CHRM3: variants seen among roughly 807,000 people sequenced by gnomAD.
The protein encoded by CHRM3 is muscarinic acetylcholine receptor M3.
In CHRM3, 11 loss-of-function variants were observed where a neutral mutation model predicts 41.8. That is an observed-to-expected ratio of 0.26 (90% confidence interval 0.17 to 0.44). The LOEUF (loss-of-function observed/expected upper bound fraction) is 0.44. CHRM3 is among the 20% of genes least tolerant of loss of function. CHRM3 has a pLI of 1.00. For synonymous variants in CHRM3, 297 were observed against 301.4 expected (o/e 0.99, Z 0.15); for missense variants, 571 against 745.4 (o/e 0.77, Z 2.72).
chr1:239,641,574 G>A (rs377591929), intron 4 of CHRM3, among the ~76,000 whole-genome samples: 76 of 144,574 alleles, frequency 5.3e-4, no homozygotes, highest in African/African-American at 1.7e-3. Flanking sequence ...TTTATCAGAG[G>A]CTAGGATTGC....
chr1:239,604,715 T>G (rs1202992889), intron 3 of CHRM3, among the ~76,000 whole-genome samples: 1 of 152,212 alleles, frequency 6.6e-6, no homozygotes, highest in Non-Finnish European at 1.5e-5. Context: ...CATTCCAACC[T>G]GAGAACTTTT....
chr1:239,744,046 G>T (rs1013500817), intron 5 of CHRM3, among the ~76,000 whole-genome samples: 7 of 149,846 alleles, frequency 4.7e-5, no homozygotes, highest in African/African-American at 1.7e-4. Context: ...TTGGTCTCAA[G>T]AAATCCTTCC....
At chr1:239,512,624 C>A (rs1441233579) in intron 2 of CHRM3, among the ~76,000 whole-genome samples, 1 of 152,052 alleles carries the variant, frequency 6.6e-6, no homozygotes, top group Non-Finnish European at 1.5e-5. Flanking sequence ...TCCCACCCTT[C>A]TTTTTCTTCC....
intron 4 of CHRM3, among the ~76,000 whole-genome samples, chr1:239,669,251 C>A (rs1318175382): frequency 1.3e-5 from 2 of 152,126 alleles, no homozygotes; most frequent in Admixed American, 1.3e-4. Context: ...AATATTCTTT[C>A]CCTTTTAAAC....
At chr1:239,890,194 G>A (rs139959227) in intron 6 of CHRM3, among the ~76,000 whole-genome samples, 5,085 of 152,000 alleles carry the variant, frequency 0.033, 278 homozygotes, top group African/African-American at 0.12. Flanking sequence ...TCAGCTACTC[G>A]GGAGGCTGAG....
chr1:239,724,788 T>C (rs1663283231), intron 5 of CHRM3, among the ~76,000 whole-genome samples: 1 of 151,840 alleles, frequency 6.6e-6, no homozygotes, highest in Non-Finnish European at 1.5e-5. Flanking sequence ...AGCTAGAAAT[T>C]CTAATTGCCA....
chr1:239,510,116 TA>T (rs2148192565), intron 2 of CHRM3, among the ~76,000 whole-genome samples: 1 of 152,266 alleles, frequency 6.6e-6, no homozygotes, highest in Non-Finnish European at 1.5e-5. Context: ...TTTTGAGAAG[TA>T]AAAGCTATTT....
intron 2 of CHRM3, among the ~76,000 whole-genome samples, chr1:239,532,271 A>G (rs976094708): frequency 1.4e-5 from 2 of 146,194 alleles, no homozygotes; most frequent in African/African-American, 5.0e-5. Flanking sequence ...TCGGCCTCCC[A>G]AAGTGCTGGG....
At chr1:239,580,141 C>G (rs1375061345) in intron 3 of CHRM3, among the ~76,000 whole-genome samples, 1 of 151,894 alleles carries the variant, frequency 6.6e-6, no homozygotes, top group Admixed American at 6.6e-5. Flanking sequence ...ACTTACCTAC[C>G]CTTCTTCTAT....
At chr1:239,459,097 C>T (rs570460832) in intron 1 of CHRM3, among the ~76,000 whole-genome samples, 1 of 152,206 alleles carries the variant, frequency 6.6e-6, no homozygotes, top group South Asian at 2.1e-4. Flanking sequence ...TTTCCTGTGA[C>T]ACAGGAAGAG....
chr1:239,823,766 CT>C (rs1672235951), intron 5 of CHRM3, among the ~76,000 whole-genome samples: 1 of 151,878 alleles, frequency 6.6e-6, no homozygotes, highest in Admixed American at 6.6e-5. Flanking sequence ...ACAGAAGACC[CT>C]TTTGTGGTGT....
At chr1:239,873,307 C>A (rs1676751943) in intron 6 of CHRM3, among the ~76,000 whole-genome samples, 1 of 152,082 alleles carries the variant, frequency 6.6e-6, no homozygotes, top group Non-Finnish European at 1.5e-5. Context: ...TCCTGAATTC[C>A]CACACAGGGA....
At chr1:239,695,765 A>T (rs1348919948) in intron 5 of CHRM3, among the ~76,000 whole-genome samples, 2 of 152,120 alleles carry the variant, frequency 1.3e-5, no homozygotes, top group Non-Finnish European at 2.9e-5. Context: ...AGAAAAAAAA[A>T]TTTTCATTAG....
At chr1:239,839,422 G>T (rs889585799) in intron 6 of CHRM3, among the ~76,000 whole-genome samples, 5 of 152,158 alleles carry the variant, frequency 3.3e-5, no homozygotes, top group African/African-American at 1.2e-4. Flanking sequence ...TGGGCTTTTG[G>T]AATGCACTAT....
chr1:239,479,634 T>TTA (rs1375848051), intron 1 of CHRM3, among the ~76,000 whole-genome samples: 1 of 152,210 alleles, frequency 6.6e-6, no homozygotes, highest in Non-Finnish European at 1.5e-5. Flanking sequence ...AGGCTATGTG[T>TTA]TATAGCCTAT....
At chr1:239,596,396 C>A (rs1664777275) in intron 3 of CHRM3, among the ~76,000 whole-genome samples, 1 of 151,986 alleles carries the variant, frequency 6.6e-6, no homozygotes, top group Admixed American at 6.6e-5. Context: ...AAAGGGGAGA[C>A]CTTCAGCAGC....
Position 239,501,372 on chromosome 1 carries a change from T to C in CHRM3, c.-422+8565T>C, listed in dbSNP as rs1038953687. ...ACTTTCCTAAAGATAGACCATATGA[T>C]AGGCTATAAAACTAGCCTCAATAAA... is the stretch of plus-strand genomic sequence containing the variant. On this transcript the variant is annotated intron_variant, in intron 2 of 6. Transcript: ENST00000676153. Among the ~76,000 whole-genome samples, 6 of 152,194 alleles carry C rather than the reference T, an allele frequency of 3.9e-5. No homozygotes were observed. The South Asian group carries it at 1.2e-3, about 31-fold the overall frequency.
intron 5 of CHRM3, chr1:239,704,854 T>A (rs1464066069): frequency 6.6e-6 from 1 of 152,212 alleles, no homozygotes; most frequent in Admixed American, 6.5e-5. Flanking sequence ...GGCTAAATGA[T>A]AATCATAAAT....
At chr1:239,724,801 T>C (rs1462790925) in intron 5 of CHRM3, among the ~76,000 whole-genome samples, 1 of 151,870 alleles carries the variant, frequency 6.6e-6, no homozygotes, top group Non-Finnish European at 1.5e-5. Flanking sequence ...AATTGCCAGC[T>C]CTTTCTTCCC....
Sources: gnomAD v4.1 joint callset for allele counts (sites outside exome capture counted in the v4.1 genomes callset) on GRCh38, gnomAD v4.1.1 for gene constraint, MANE v1.5 for transcripts, NCBI Gene and HGNC (gene_info 2026-07-23, HGNC 2026-07-21) for gene names.